BCKDHB: variants seen among roughly 807,000 people sequenced by gnomAD.
BCKDHB encodes the protein 2-oxoisovalerate dehydrogenase subunit beta, mitochondrial.
Under a neutral mutation model 48.5 loss-of-function variants are expected in BCKDHB, and 41 were observed. That is an observed-to-expected ratio of 0.85 (90% CI 0.66 to 1.10). The LOEUF (loss-of-function observed/expected upper bound fraction) is 1.10, where lower values mean the gene tolerates loss of function less well. BCKDHB is among the 50% of genes least tolerant of loss of function. BCKDHB has a pLI of 0.00. For missense variants in BCKDHB, 496 were observed against 494.2 expected (o/e 1.00, Z -0.03); for synonymous variants, 201 against 174.8 (o/e 1.15, Z -1.18).
rs112582023 is a variant in BCKDHB at position 80,193,223 on chromosome 6, T to C, written c.743-7711T>C. ...GTTAATTAATTATTGAAGAAAAAAA[T>C]TAGACTGCATTTGAGTTTAAGTGGG... On this transcript the variant is annotated intron_variant, in intron 6 of 9. Transcript: ENST00000320393. Among the ~76,000 whole-genome samples, 170 of 152,266 alleles carry C rather than the reference T, an allele frequency of 1.1e-3. 1 individual carries two copies. Among genetic ancestry groups the C allele is most frequent in the African/African-American group, 3.8e-3 (156 of 41,560 alleles).
chr6:80,355,793 T>C, the BCKDHB span: 31,188 of 152,128 alleles, frequency 0.21, 3,709 homozygotes, highest in South Asian at 0.37. Context: ...GCTCTGGCTC[T>C]GTCTCCCAGC....
At chr6:80,268,799 T>C (rs1424814550) in intron 8 of BCKDHB, among the ~76,000 whole-genome samples, 2 of 152,138 alleles carry the variant, frequency 1.3e-5, no homozygotes, top group East Asian at 3.9e-4. Flanking sequence ...AACATATGTC[T>C]AATGTTTGGG....
At chr6:80,259,750 C>T (rs969377696) in intron 8 of BCKDHB, among the ~76,000 whole-genome samples, 4 of 152,182 alleles carry the variant, frequency 2.6e-5, no homozygotes, top group African/African-American at 9.7e-5. Flanking sequence ...GATTCAAAAA[C>T]ACCAATTTAT....
Position 80,242,175 on chromosome 6 carries a change from G to A in BCKDHB, c.952-30960G>A, listed in dbSNP as rs554972502. ...TTAAAATATTTTGAATAGTTTTAAA[G>A]TTTTACCTTTCAAACTTAGGTCTCT... is the stretch of plus-strand genomic sequence containing the variant. On this transcript the variant is annotated intron_variant, in intron 8 of 9. Transcript: ENST00000320393. Among the ~76,000 whole-genome samples, 369 of 152,158 alleles carry A rather than the reference G, an allele frequency of 2.4e-3. 1 individual carries two copies. The highest frequency in any genetic ancestry group is 2.4e-3 in the Non-Finnish European group (161 of 68,008).
At position 80,170,417 on chromosome 6, in the gene BCKDHB, T is replaced by C. The variant is rs540588761; in HGVS notation, c.634-865T>C. ...ATCATTTAAAATTAGACAAAGTTTG[T>C]GATTTAAGTCAACATTAGATAGAAG... On this transcript the variant is annotated intron_variant, in intron 5 of 9. Coordinates refer to ENST00000320393, the MANE Select transcript of BCKDHB (RefSeq NM_183050.4). Among the ~76,000 whole-genome samples, 3 of 152,296 alleles carry C rather than the reference T, an allele frequency of 2.0e-5. No homozygotes were observed. In the East Asian group the frequency reaches 5.8e-4, roughly 29 times the overall value.
chr6:80,302,662 G>A (rs1438146019), intron 9 of BCKDHB, among the ~76,000 whole-genome samples: 2 of 152,104 alleles, frequency 1.3e-5, no homozygotes, highest in Non-Finnish European at 2.9e-5. Context: ...AAATGAGCTT[G>A]AGTTTTCTAG....
At chr6:80,138,696 T>C (rs1366297085) in intron 3 of BCKDHB, among the ~76,000 whole-genome samples, 5 of 152,202 alleles carry the variant, frequency 3.3e-5, no homozygotes, top group Non-Finnish European at 5.9e-5. Context: ...TCTATCATTG[T>C]TGGACATTTG....
intron 8 of BCKDHB, among the ~76,000 whole-genome samples, chr6:80,215,822 A>G (rs924736306): frequency 3.9e-5 from 6 of 152,076 alleles, no homozygotes; most frequent in African/African-American, 9.7e-5. Flanking sequence ...CCACACTGCA[A>G]TCTCCGCCTC....
At chr6:80,282,405 C>G (rs1451892663) in intron 9 of BCKDHB, among the ~76,000 whole-genome samples, 1 of 151,870 alleles carries the variant, frequency 6.6e-6, no homozygotes, top group Admixed American at 6.6e-5. Flanking sequence ...TCCTTTGATT[C>G]AAGAATTCTA....
At chr6:80,273,371 T>C in intron 9 of BCKDHB, 150 bp downstream of exon 9, 1 of 652,824 alleles carries the variant, frequency 1.5e-6, no homozygotes, top group Non-Finnish European at 2.6e-6. Flanking sequence ...GTAAATTTTT[T>C]TTCATTTTTT....
At chr6:80,358,376 T>C in the BCKDHB span, among the ~76,000 whole-genome samples, 1 of 152,248 alleles carries the variant, frequency 6.6e-6, no homozygotes, top group Admixed American at 6.5e-5. Flanking sequence ...AAAGTTTTAC[T>C]GTGTCCTCTG....
intron 9 of BCKDHB, among the ~76,000 whole-genome samples, chr6:80,337,587 A>G (rs73748800): frequency 0.017 from 2,518 of 151,818 alleles, 66 homozygotes; most frequent in African/African-American, 0.058. Flanking sequence ...TTCAATACTC[A>G]TTATATTTAT....
At chr6:80,386,600 G>A in the BCKDHB span, among the ~76,000 whole-genome samples, 1 of 152,162 alleles carries the variant, frequency 6.6e-6, no homozygotes, top group Non-Finnish European at 1.5e-5. Context: ...GAATCCTGAT[G>A]TGGCAGGGGC....
At chr6:80,409,174 T>A in the BCKDHB span, among the ~76,000 whole-genome samples, 1 of 152,088 alleles carries the variant, frequency 6.6e-6, no homozygotes, top group East Asian at 1.9e-4. Flanking sequence ...TCCATGTAGT[T>A]GTAGTTGTGT....
chr6:80,224,861 T>C (rs1489157484), intron 8 of BCKDHB, among the ~76,000 whole-genome samples: 1 of 152,202 alleles, frequency 6.6e-6, no homozygotes, highest in Non-Finnish European at 1.5e-5. Context: ...ACGCAGTTCA[T>C]CTCCCTGTGC....
intron 3 of BCKDHB, among the ~76,000 whole-genome samples, chr6:80,131,615 A>G (rs1170437612): frequency 2.7e-5 from 4 of 149,676 alleles, no homozygotes; most frequent in Non-Finnish European, 5.9e-5. Context: ...TGATTTTAAC[A>G]TGCATATTTC....
the BCKDHB span, among the ~76,000 whole-genome samples, chr6:80,389,885 C>T: frequency 0.013 from 1,929 of 152,232 alleles, 37 homozygotes; most frequent in African/African-American, 0.044. Flanking sequence ...GTGGAAGTAG[C>T]ACCACTCACC....
At chr6:80,310,631 C>G (rs576053527) in intron 9 of BCKDHB, among the ~76,000 whole-genome samples, 1 of 152,116 alleles carries the variant, frequency 6.6e-6, no homozygotes, top group Admixed American at 6.5e-5. Flanking sequence ...AATGGGATCG[C>G]TGGGTCAAAT....
chr6:80,151,455 A>G (rs1040652686), intron 3 of BCKDHB, among the ~76,000 whole-genome samples: 15 of 151,340 alleles, frequency 9.9e-5, no homozygotes, highest in Admixed American at 1.3e-4. Context: ...TTGGCCAAAC[A>G]TTAATCATTT....
Sources: allele counts gnomAD v4.1 joint callset (sites outside exome capture counted in the v4.1 genomes callset), GRCh38; gene constraint gnomAD v4.1.1; transcripts MANE v1.5; gene names NCBI Gene and HGNC (gene_info 2026-07-23, HGNC 2026-07-21).